The following PARD3 variants were observed in gnomAD, a reference collection of about 807,000 sequenced individuals.
PARD3 encodes the protein partitioning defective 3 homolog.
In PARD3, 75 loss-of-function variants were observed where a neutral mutation model predicts 155.4. The observed-to-expected ratio is 0.48, with a 90% confidence interval of 0.40 to 0.58. The LOEUF is 0.58. Ranked by LOEUF, PARD3 falls within the 20% of genes least tolerant of loss-of-function variation. The pLI is 0.00. For synonymous variants in PARD3, 576 were observed against 610.5 expected (o/e 0.94, Z 0.83); for missense variants, 1,642 against 1,721.7 (o/e 0.95, Z 0.82).
At chr10:34,724,192 C>G (rs2094658395) in intron 1 of PARD3, among the ~76,000 whole-genome samples, 1 of 152,082 alleles carries the variant, frequency 6.6e-6, no homozygotes, top group Non-Finnish European at 1.5e-5. Context: ...TGAAATGCAT[C>G]CCATATTGTT....
intron 5 of PARD3, among the ~76,000 whole-genome samples, chr10:34,440,861 T>C (rs1314781122): frequency 1.3e-5 from 2 of 151,848 alleles, no homozygotes; most frequent in Non-Finnish European, 2.9e-5. Flanking sequence ...AAGCAGAAGC[T>C]CTCATGAAGA....
intron 19 of PARD3, among the ~76,000 whole-genome samples, chr10:34,322,678 G>T (rs1406748354): frequency 6.6e-6 from 1 of 151,982 alleles, no homozygotes; most frequent in African/African-American, 2.4e-5. Context: ...AAATATCATA[G>T]TATTACTTTG....
At chr10:34,800,597 C>T (rs1308954837) in intron 1 of PARD3, among the ~76,000 whole-genome samples, 1 of 151,870 alleles carries the variant, frequency 6.6e-6, no homozygotes, top group East Asian at 1.9e-4. Flanking sequence ...GGTGACAGAG[C>T]GAGACTCCAT....
chr10:34,605,467 A>G (rs1233965251), intron 2 of PARD3, among the ~76,000 whole-genome samples: 1 of 145,974 alleles, frequency 6.9e-6, no homozygotes, highest in African/African-American at 2.5e-5. Context: ...TGCTGGGATT[A>G]CAGGCGTGAG....
intron 2 of PARD3, among the ~76,000 whole-genome samples, chr10:34,562,795 C>CT (rs1026414636): frequency 1.3e-5 from 2 of 151,766 alleles, no homozygotes; most frequent in Admixed American, 6.6e-5. Flanking sequence ...GTGTCTCACT[C>CT]TGTCACCTGG....
At chr10:34,526,117 T>C in intron 2 of PARD3, among the ~76,000 whole-genome samples, 1 of 141,354 alleles carries the variant, frequency 7.1e-6, no homozygotes, top group East Asian at 2.0e-4. Context: ...TCCAACACCA[T>C]GTAGGAAATA....
intron 12 of PARD3, among the ~76,000 whole-genome samples, chr10:34,367,342 T>G (rs1337936873): frequency 3.9e-5 from 6 of 152,226 alleles, no homozygotes; most frequent in Non-Finnish European, 1.5e-5. Flanking sequence ...ATAAAGAACA[T>G]TAATTGGGAC....
intron 2 of PARD3, among the ~76,000 whole-genome samples, chr10:34,571,072 G>A (rs1178632443): frequency 1.3e-5 from 2 of 152,190 alleles, no homozygotes; most frequent in Admixed American, 1.3e-4. Flanking sequence ...AACTTTGGGA[G>A]GCTGAGGAGG....
At chr10:34,539,275 G>A (rs2083436792) in intron 2 of PARD3, among the ~76,000 whole-genome samples, 1 of 152,122 alleles carries the variant, frequency 6.6e-6, no homozygotes, top group East Asian at 1.9e-4. Context: ...GGACTCTTAA[G>A]TTTTCAGGAA....
At chr10:34,722,456 T>C (rs1038348205) in intron 1 of PARD3, among the ~76,000 whole-genome samples, 6 of 152,188 alleles carry the variant, frequency 3.9e-5, no homozygotes, top group African/African-American at 1.2e-4. Context: ...ACTATAATCA[T>C]AGAAAACATC....
intron 22 of PARD3, among the ~76,000 whole-genome samples, chr10:34,204,975 G>T (rs542976213): frequency 1.3e-5 from 2 of 152,150 alleles, no homozygotes; most frequent in African/African-American, 4.8e-5. Flanking sequence ...ACAGTCAACC[G>T]TAATTAAGCC....
At chr10:34,688,396 G>A (rs1293850078) in intron 2 of PARD3, among the ~76,000 whole-genome samples, 17 of 152,214 alleles carry the variant, frequency 1.1e-4, no homozygotes, top group Admixed American at 7.9e-4. Context: ...AATACAGCTT[G>A]TCCATCAGGA....
chr10:34,250,179 CCTAGAACT>C (rs367939566), intron 22 of PARD3, among the ~76,000 whole-genome samples: 1,825 of 150,604 alleles, frequency 0.012, 15 homozygotes, highest in Non-Finnish European at 0.018. Context: ...CTTTCCACAG[CCTAGAACT>C]CTTAGCTTTA....
At chr10:34,343,084 T>C (rs1037039284) in intron 15 of PARD3, among the ~76,000 whole-genome samples, 1 of 152,176 alleles carries the variant, frequency 6.6e-6, no homozygotes. Flanking sequence ...GTGTCATTCA[T>C]CAATAAGGTG....
At chr10:34,409,911 T>C (rs1428726590) in intron 5 of PARD3, among the ~76,000 whole-genome samples, 3 of 152,268 alleles carry the variant, frequency 2.0e-5, no homozygotes, top group Middle Eastern at 6.8e-3. Context: ...CTGAGCACAG[T>C]AATAAAAAAC....
intron 2 of PARD3, among the ~76,000 whole-genome samples, chr10:34,641,403 G>C (rs1437329934): frequency 6.6e-6 from 1 of 152,218 alleles, no homozygotes; most frequent in African/African-American, 2.4e-5. Flanking sequence ...TCAGCAGAAA[G>C]GCACAGTCCT....
chr10:34,612,392 C>T (rs2090976055), intron 2 of PARD3, among the ~76,000 whole-genome samples: 1 of 152,086 alleles, frequency 6.6e-6, no homozygotes, highest in Non-Finnish European at 1.5e-5. Flanking sequence ...AAGAGGACAA[C>T]CATTTTGTTT....
intron 5 of PARD3, among the ~76,000 whole-genome samples, chr10:34,403,529 AC>A (rs1444343682): frequency 2.0e-5 from 3 of 152,186 alleles, no homozygotes; most frequent in African/African-American, 7.2e-5. Context: ...GTAAGGCCCA[AC>A]TGACATTTCC....
At position 34,793,343 on chromosome 10, in the gene PARD3, G is replaced by A. The variant is rs142013377; in HGVS notation, c.120+21533C>T. 3.0e-4 allele frequency among the ~76,000 whole-genome samples: 45 copies of A among 152,320 alleles called. 1 individual carries two copies. In the East Asian group the frequency reaches 6.2e-3, roughly 21 times the overall value. ...GAGTCAGTTCTGCCATGATCAGGGA[G>A]AGGGAAGGAAGGGGTCGTGGCGGTA... On this transcript the variant is annotated intron_variant, in intron 1 of 24. Transcript: ENST00000374788.
Sources: gnomAD v4.1 joint callset for allele counts (sites outside exome capture counted in the v4.1 genomes callset) on GRCh38, gnomAD v4.1.1 for gene constraint, MANE v1.5 for transcripts, NCBI Gene and HGNC (gene_info 2026-07-23, HGNC 2026-07-21) for gene names.